The following CPQ variants were observed in gnomAD, a reference collection of about 807,000 sequenced individuals.
CPQ encodes carboxypeptidase Q.
CPQ carries 37 observed loss-of-function variants against 45.7 expected under a neutral mutation model. The ratio of observed to expected loss-of-function variants is 0.81; its 90% CI spans 0.62 to 1.07. The LOEUF is 1.07. CPQ is among the 50% of genes least tolerant of loss of function. The pLI, the probability that CPQ is intolerant of heterozygous loss-of-function variation, is 0.00. For synonymous variants in CPQ, 186 were observed against 205.8 expected (o/e 0.90, Z 0.82); for missense variants, 537 against 572.9 (o/e 0.94, Z 0.64).
rs191853776 is a variant in CPQ, at chr8:97,059,098, C to T, written c.1054-6911C>T. Among the ~76,000 whole-genome samples, 163 of 152,228 alleles carry T rather than the reference C, an allele frequency of 1.1e-3. 1 individual carries two copies. Among genetic ancestry groups the T allele is most frequent in the Admixed American group, 5.0e-3 (77 of 15,266 alleles). ...CTTAAGAGTTATCCACGGACCTTAACAAGCACAAGAGGAGAATTCACTAAG... is the reference window on the plus strand; with the variant it reads ...CTTAAGAGTTATCCACGGACCTTAATAAGCACAAGAGGAGAATTCACTAAG... On this transcript the variant is annotated intron_variant, in intron 6 of 7. Coordinates refer to ENST00000220763, the MANE Select transcript of CPQ (RefSeq NM_016134.4).
At chr8:97,056,941 A>G (rs1480371221) in intron 6 of CPQ, among the ~76,000 whole-genome samples, 1 of 152,148 alleles carries the variant, frequency 6.6e-6, no homozygotes, top group Non-Finnish European at 1.5e-5. Flanking sequence ...GTACATATTC[A>G]TAGAACTCAT....
At chr8:97,096,387 T>C (rs1811210833) in intron 7 of CPQ, among the ~76,000 whole-genome samples, 1 of 152,206 alleles carries the variant, frequency 6.6e-6, no homozygotes. Flanking sequence ...GTCTACTTTA[T>C]GTTGGATTGA....
At position 97,066,085 on chromosome 8, in the gene CPQ, G is replaced by T; in HGVS notation, c.1130G>T (p.Gly377Val). The T allele has an allele frequency of 1.2e-6, 2 of 1,611,848 alleles. No individual in the cohort carries two copies. The highest frequency in any genetic ancestry group is 3.4e-5 in the Admixed American group (2 of 59,694). ...TFLPTGLQFT[G>V]SEKARAIMEE... ...TTACCCACTGGGCTGCAATTCACTG[G>T]CAGTGAAAAGGCCAGGGCCATCATG... Residue 377 changes from glycine to valine, a missense_variant, in exon 7 of 8, where the codon GGC becomes GTC. Coordinates refer to ENST00000220763, the MANE Select transcript of CPQ (RefSeq NM_016134.4).
In CPQ at chr8:97,066,048, G is replaced by A. The variant is rs747606927; in HGVS notation, c.1093G>A (p.Ala365Thr). The change falls in exon 7 of 8, where the codon GCA (alanine) becomes ACA (threonine). Residue 365 changes from alanine to threonine, a missense_variant. Ala to Thr is a moderately conservative substitution (Grantham distance 58, BLOSUM62 0). Transcript: ENST00000220763. ...SNYSLVMESD[A>T]GTFLPTGLQF... ...CTACAGTCTGGTGATGGAGTCTGAC[G>A]CAGGAACCTTCTTACCCACTGGGCT... is the stretch of plus-strand genomic sequence containing the variant. The A allele has an allele frequency of 9.9e-6, 16 of 1,611,144 alleles. No homozygotes were observed. The highest frequency in any genetic ancestry group is 2.2e-5 in the East Asian group (1 of 44,808).
intron 2 of CPQ, among the ~76,000 whole-genome samples, chr8:96,823,921 C>G (rs1811343855): frequency 6.6e-6 from 1 of 151,886 alleles, no homozygotes; most frequent in Admixed American, 6.6e-5. Flanking sequence ...AACTTTTGTT[C>G]TAGGTTAAAC....
At chr8:96,904,592 A>G (rs536774078) in intron 4 of CPQ, among the ~76,000 whole-genome samples, 1 of 152,244 alleles carries the variant, frequency 6.6e-6, no homozygotes, top group South Asian at 2.1e-4. Context: ...TTATTCTTAA[A>G]CCATGCTGAT....
chr8:96,916,194 G>A (rs1268299685), intron 4 of CPQ, among the ~76,000 whole-genome samples: 2 of 151,998 alleles, frequency 1.3e-5, no homozygotes, highest in Non-Finnish European at 2.9e-5. Flanking sequence ...TGTCCCAGTT[G>A]GCCCAAATTG....
intron 2 of CPQ, among the ~76,000 whole-genome samples, chr8:96,822,063 A>G (rs1329950094): frequency 6.6e-6 from 1 of 151,940 alleles, no homozygotes; most frequent in African/African-American, 2.4e-5. Flanking sequence ...CAATCTCTAC[A>G]TTCCCTCATC....
chr8:96,954,690 C>T (rs542686263), intron 4 of CPQ, among the ~76,000 whole-genome samples: 1 of 152,170 alleles, frequency 6.6e-6, no homozygotes, highest in South Asian at 2.1e-4. Flanking sequence ...TGGTGTGCTG[C>T]ACCCATTAAC....
chr8:97,130,726 C>CTTTA (rs1811940271), intron 7 of CPQ, among the ~76,000 whole-genome samples: 1 of 152,132 alleles, frequency 6.6e-6, no homozygotes, highest in Non-Finnish European at 1.5e-5. Context: ...CTTGAACCAA[C>CTTTA]CTTTTACTTT....
chr8:97,080,178 A>G (rs546917457), intron 7 of CPQ, among the ~76,000 whole-genome samples: 9 of 152,288 alleles, frequency 5.9e-5, no homozygotes, highest in Admixed American at 3.3e-4. Flanking sequence ...AGTTTTGCCA[A>G]ATTAAGTCTT....
In CPQ at chr8:96,896,030, G is replaced by A. The variant is rs112284101; in HGVS notation, c.849+16025G>A. Among the ~76,000 whole-genome samples, 846 of 152,092 alleles carry A rather than the reference G, an allele frequency of 5.6e-3. 11 individuals are homozygous for A. The highest frequency in any genetic ancestry group is 0.02 in the African/African-American group (815 of 41,486). On this transcript the variant is annotated intron_variant, in intron 4 of 7. Transcript: ENST00000220763. ...GTTTATACTGTAAATCTCCATTTGTGTATTTTCATAATAAGACTCTAAGAA... is the reference window on the plus strand; with the variant it reads ...GTTTATACTGTAAATCTCCATTTGTATATTTTCATAATAAGACTCTAAGAA...
At chr8:96,828,483 C>G (rs1298075357) in intron 2 of CPQ, among the ~76,000 whole-genome samples, 1 of 151,962 alleles carries the variant, frequency 6.6e-6, no homozygotes, top group Non-Finnish European at 1.5e-5. Flanking sequence ...TCCCAGCTTC[C>G]CAGGGAAGCT....
chr8:96,854,827 C>G (rs1177675980), intron 3 of CPQ, among the ~76,000 whole-genome samples: 1 of 152,102 alleles, frequency 6.6e-6, no homozygotes, highest in Non-Finnish European at 1.5e-5. Context: ...CTAAAGCTAG[C>G]AGACTGGAGA....
intron 4 of CPQ, among the ~76,000 whole-genome samples, chr8:96,918,859 T>C (rs781325861): frequency 6.6e-6 from 1 of 152,144 alleles, no homozygotes; most frequent in Admixed American, 6.6e-5. Context: ...CTTAGGGACC[T>C]AAGGGTGTAT....
chr8:96,867,064 A>G (rs572609401), intron 3 of CPQ, among the ~76,000 whole-genome samples: 24 of 152,096 alleles, frequency 1.6e-4, no homozygotes, highest in Non-Finnish European at 3.2e-4. Context: ...AAAGGCATTT[A>G]TTTCCTATCA....
At chr8:96,908,168 G>A (rs548301798) in intron 4 of CPQ, among the ~76,000 whole-genome samples, 4 of 150,912 alleles carry the variant, frequency 2.7e-5, no homozygotes, top group Admixed American at 6.6e-5. Flanking sequence ...AGAGAGAGAC[G>A]AGAGAGAGAG....
intron 3 of CPQ, among the ~76,000 whole-genome samples, chr8:96,838,895 A>C (rs1811567733): frequency 6.6e-6 from 1 of 152,082 alleles, no homozygotes; most frequent in Admixed American, 6.6e-5. Flanking sequence ...CTGCATTTGG[A>C]GGAAAATATT....
At chr8:96,704,341 T>A (rs1025101042) in intron 1 of CPQ, among the ~76,000 whole-genome samples, 3 of 152,218 alleles carry the variant, frequency 2.0e-5, no homozygotes, top group Admixed American at 1.3e-4. Flanking sequence ...TGTCCATCAC[T>A]GAGAATAGTG....
Sources: gnomAD v4.1 joint callset for allele counts (sites outside exome capture counted in the v4.1 genomes callset) on GRCh38, gnomAD v4.1.1 for gene constraint, MANE v1.5 for transcripts, NCBI Gene and HGNC (gene_info 2026-07-23, HGNC 2026-07-21) for gene names.